RNF144A: variants seen among roughly 807,000 people sequenced by gnomAD.
RNF144A encodes E3 ubiquitin-protein ligase RNF144A.
A neutral mutation model predicts 38.7 loss-of-function variants in RNF144A; 11 were observed. That is an observed-to-expected ratio of 0.28 (90% CI 0.18 to 0.47). RNF144A has a LOEUF of 0.47. RNF144A is among the 20% of genes least tolerant of loss of function. The pLI is 0.99. For missense variants in RNF144A, 316 were observed against 377.2 expected (o/e 0.84, Z 1.34); for synonymous variants, 149 against 143.9 (o/e 1.04, Z -0.25).
chr2:7,063,823 G>T (rs1674074583), intron 6 of RNF144A, among the ~76,000 whole-genome samples: 1 of 152,246 alleles, frequency 6.6e-6, no homozygotes, highest in East Asian at 1.9e-4. Flanking sequence ...GAGATCGTTA[G>T]TGGTGTTGAC....
intron 8 of RNF144A, among the ~76,000 whole-genome samples, chr2:7,037,864 T>C (rs1236067603): frequency 6.6e-6 from 1 of 152,178 alleles, no homozygotes; most frequent in Non-Finnish European, 1.5e-5. Flanking sequence ...GAAGGCTGAG[T>C]TGGAATGAGA....
intron 1 of RNF144A, among the ~76,000 whole-genome samples, chr2:6,918,979 G>T (rs534820342): frequency 6.6e-6 from 1 of 152,156 alleles, no homozygotes; most frequent in Non-Finnish European, 1.5e-5. Context: ...GATGGAAGGA[G>T]GACATGCCCC....
chr2:7,031,265 A>G (rs1243985276), intron 8 of RNF144A, among the ~76,000 whole-genome samples: 1 of 152,212 alleles, frequency 6.6e-6, no homozygotes, highest in Non-Finnish European at 1.5e-5. Flanking sequence ...TGCTTTCAAC[A>G]CATATTTATA....
At chr2:7,023,516 C>T (rs1220402559) in intron 6 of RNF144A, among the ~76,000 whole-genome samples, 2 of 152,186 alleles carry the variant, frequency 1.3e-5, no homozygotes, top group African/African-American at 2.4e-5. Context: ...AATGGACCCC[C>T]ATAATCAGTG....
rs147066228 is a variant in RNF144A at position 6,999,043 on chromosome 2, T to C, written c.135+1982T>C. ...TTGTTATTGTTGTCTTAGTTTTCTA[T>C]TTCTAGAGAATTGTAGTAAAAACAA... On this transcript the variant is annotated intron_variant, in intron 3 of 8. Transcript: ENST00000320892. 2.3e-3 allele frequency among the ~76,000 whole-genome samples: 343 copies of C among 152,316 alleles called. 2 individuals carry two copies. The highest frequency in any genetic ancestry group is 7.8e-3 in the African/African-American group (326 of 41,560).
In RNF144A at chr2:6,917,781, G is replaced by C. The variant is rs1664223744; in HGVS notation, c.-212+159G>C. Among the ~76,000 whole-genome samples, 1 of 150,110 alleles carries C rather than the reference G, an allele frequency of 6.7e-6. No individual in the cohort carries two copies. The highest frequency in any genetic ancestry group is 1.5e-5 in the Non-Finnish European group (1 of 67,322). On this transcript the variant is annotated intron_variant, in intron 1 of 8. Transcript: ENST00000320892. The surrounding 1 kb of genome is among the most constrained non-coding windows in gnomAD (Gnocchi z 4.8). ...CCCGGCGCCCGGTGGCAGCGGGCGG[G>C]GGGCAGCGTCCCGGGCGGGGACTCG... is the stretch of plus-strand genomic sequence containing the variant.
chr2:6,936,738 G>A (rs374447763), intron 1 of RNF144A, among the ~76,000 whole-genome samples: 3 of 152,142 alleles, frequency 2.0e-5, no homozygotes, highest in Non-Finnish European at 4.4e-5. Flanking sequence ...CGAGAAAGGT[G>A]TAAATTAATT....
At position 7,017,145 on chromosome 2, in the gene RNF144A, G is replaced by T. The variant is rs114046438; in HGVS notation, c.301+2373G>T. Among the ~76,000 whole-genome samples the T allele has an allele frequency of 8.8e-4, 134 of 152,290 alleles. 1 individual carries two copies. The highest frequency in any genetic ancestry group is 7.2e-3 in the South Asian group (35 of 4,830). The stretch of plus-strand genomic sequence containing the variant: ...ACACTCGACGCCCGTGGCCCTCTGA[G>T]ACCCAGCGGTGCTGTGCTAAGGGCG... On this transcript the variant is annotated intron_variant, in intron 5 of 8. Transcript: ENST00000320892.
rs771309 is a variant in RNF144A at position 6,943,063 on chromosome 2, C to A, written c.-12+1916C>A. 6.6e-6 allele frequency among the ~76,000 whole-genome samples: 1 copy of A among 152,096 alleles called. No homozygotes were observed. The highest frequency in any genetic ancestry group is 2.1e-4 in the South Asian group (1 of 4,834). On this transcript the variant is annotated intron_variant, in intron 2 of 8. Transcript: ENST00000320892. This position sits in a 1 kb window ranked among gnomAD's most constrained non-coding sequence, Gnocchi z 4.3. Reference sequence around the variant, plus strand: ...TTATAAGCCACCCACATGGAGACACCGAGTGGGTGGTCCTATCCAGATCTG... The same window carrying A: ...TTATAAGCCACCCACATGGAGACACAGAGTGGGTGGTCCTATCCAGATCTG...
chr2:6,975,363 A>C (rs1291664034), intron 2 of RNF144A, among the ~76,000 whole-genome samples: 1 of 152,208 alleles, frequency 6.6e-6, no homozygotes, highest in Admixed American at 6.5e-5. Context: ...TGGGAGCTAC[A>C]AGATGAGATT....
chr2:6,951,802 G>T lies in RNF144A; in HGVS notation c.-12+10655G>T, dbSNP rs115637206. ...ATCTAGTCACTTTACCAAACCTTTG[G>T]TATTCTTAATATTTTGTCTATAGAT... is the stretch of plus-strand genomic sequence containing the variant. On this transcript the variant is annotated intron_variant, in intron 2 of 8. Coordinates refer to ENST00000320892, the MANE Select transcript of RNF144A (RefSeq NM_014746.6). 2.8e-3 allele frequency among the ~76,000 whole-genome samples: 424 copies of T among 152,046 alleles called. 3 individuals carry two copies. The highest frequency in any genetic ancestry group is 9.5e-3 in the African/African-American group (396 of 41,478).
At position 7,043,470 on chromosome 2, in the gene RNF144A, A is replaced by G. The variant is rs1365803084; in HGVS notation, c.*3710A>G. 3.0e-6 allele frequency: 3 copies of G among 985,704 alleles called. No homozygotes were observed. Among genetic ancestry groups the G allele is most frequent in the Non-Finnish European group, 3.6e-6 (3 of 829,926 alleles). The allele number at this position is 985,704 out of a possible 1,614,324, so 61.1% of individuals were successfully genotyped here. ...TATTAGTGAGCACACCTGTGTATAT[A>G]TATAAATCACAAGGAGATCATCAAG... On this transcript the variant is annotated 3_prime_UTR_variant, in exon 9 of 9. Transcript: ENST00000320892.
At chr2:6,982,752 A>G (rs1422715393) in intron 2 of RNF144A, among the ~76,000 whole-genome samples, 1 of 152,162 alleles carries the variant, frequency 6.6e-6, no homozygotes, top group Non-Finnish European at 1.5e-5. Flanking sequence ...TGCTTTGGAG[A>G]ACATCAAACT....
chr2:7,025,627 G>A (rs931874015), intron 7 of RNF144A, among the ~76,000 whole-genome samples: 10 of 151,996 alleles, frequency 6.6e-5, no homozygotes, highest in African/African-American at 1.9e-4. Flanking sequence ...AGCTGAGATG[G>A]CACCACTGCA....
intron 6 of RNF144A, among the ~76,000 whole-genome samples, chr2:7,023,767 G>GAGGGTTGCTCCAC (rs1394789752): frequency 1.3e-5 from 2 of 152,154 alleles, no homozygotes; most frequent in Non-Finnish European, 2.9e-5. Flanking sequence ...CTAGGGCTTG[G>GAGGGTTGCTCCAC]AGGGTTGCTC....
intron 8 of RNF144A, among the ~76,000 whole-genome samples, chr2:7,038,670 G>A (rs760171336): frequency 2.6e-5 from 4 of 152,166 alleles, no homozygotes; most frequent in African/African-American, 4.8e-5. Flanking sequence ...ATGTATAGTC[G>A]GTGGATGGAT....
At chr2:6,984,095 C>T (rs963964674) in intron 2 of RNF144A, among the ~76,000 whole-genome samples, 1 of 152,244 alleles carries the variant, frequency 6.6e-6, no homozygotes, top group East Asian at 1.9e-4. Context: ...GCTCAGTGCA[C>T]AGTCTCAGCC....
intron 1 of RNF144A, among the ~76,000 whole-genome samples, chr2:6,937,102 G>A (rs536396898): frequency 6.6e-6 from 1 of 152,222 alleles, no homozygotes; most frequent in East Asian, 1.9e-4. Context: ...AAATGTGAGG[G>A]CTTCTTGAGT....
chr2:6,975,828 A>G (rs151083943), intron 2 of RNF144A, among the ~76,000 whole-genome samples: 2 of 152,256 alleles, frequency 1.3e-5, no homozygotes, highest in Non-Finnish European at 2.9e-5. Context: ...CCTGTCTCAA[A>G]AAATGAAAGA....
Sources: gnomAD v4.1 joint callset for allele counts (sites outside exome capture counted in the v4.1 genomes callset) on GRCh38, gnomAD v4.1.1 for gene constraint, Gnocchi (gnomAD v3.1) non-coding constraint, MANE v1.5 for transcripts, NCBI Gene and HGNC (gene_info 2026-07-23, HGNC 2026-07-21) for gene names.